The following PCDH8 variants were observed in gnomAD, a reference collection of about 807,000 sequenced individuals.
PCDH8 encodes the protein protocadherin-8.
In PCDH8, 36 loss-of-function variants were observed where a neutral mutation model predicts 58.2. The observed-to-expected ratio is 0.62, with a 90% confidence interval of 0.47 to 0.82. PCDH8 has a LOEUF of 0.82. PCDH8 is among the 40% of genes least tolerant of loss of function. The pLI is 0.00. For missense variants in PCDH8, 1,493 were observed against 1,567.8 expected (o/e 0.95, Z 0.81); for synonymous variants, 775 against 728.9 (o/e 1.06, Z -1.02).
At position 52,847,876 on chromosome 13, in the gene PCDH8, C is replaced by A; in HGVS notation, c.561G>T (p.Thr187=). 2 of 1,533,964 alleles carry A rather than the reference C, an allele frequency of 1.3e-6. No homozygotes were observed. The highest frequency in any genetic ancestry group is 1.7e-4 in the Middle Eastern group (1 of 5,880). ...PHSPFRVELQ[T]RADGAQCADL... The stretch of plus-strand genomic sequence containing the variant: ...CTGCGCACTGAGCGCCGTCCGCTCG[C>A]GTCTGCAGCTCCACGCGAAAGGGGC... The change falls in exon 1 of 3, where the codon ACG becomes ACT. Residue 187 remains threonine, a synonymous_variant. Transcript: ENST00000377942.
chr13:52,846,272 G>A lies in PCDH8; in HGVS notation c.2165C>T (p.Ala722Val). Residue 722 changes from alanine to valine, a missense_variant, in exon 1 of 3, where the codon GCC (alanine) becomes GTC (valine). This residue lies in a region of PCDH8 where 1,307 missense variants were observed against 1,362.7 expected (regional missense o/e 0.96). Transcript: ENST00000377942. Reference sequence around the variant, plus strand: ...GGAACGCTCCGGGCTTCCTGCACTGGCAGGCGCAGCCGGCCCACGCCCGCC... The same window carrying A: ...GGAACGCTCCGGGCTTCCTGCACTGACAGGCGCAGCCGGCCCACGCCCGCC... ...AGGGRGPAAPASAGSPERSRP... is the reference protein window; with the variant it reads ...AGGGRGPAAPVSAGSPERSRP... 1 of 1,578,800 alleles carries A rather than the reference G, an allele frequency of 6.3e-7. No individual in the cohort carries two copies.
Position 52,846,359 on chromosome 13 carries a change from G to A in PCDH8, c.2078C>T (p.Ser693Phe). 1 of 1,574,830 alleles carries A rather than the reference G, an allele frequency of 6.3e-7. No individual in the cohort carries two copies. Among genetic ancestry groups the A allele is most frequent in the South Asian group, 1.1e-5 (1 of 87,134 alleles). Residue 693 changes from serine (S) to phenylalanine (F), a missense_variant, in exon 1 of 3, where the codon TCC (serine) becomes TTC (phenylalanine). Ser to Phe is a radical substitution (Grantham distance 155). Around this residue, in one of 3 missense-constraint regions of PCDH8, gnomAD observed 1,307 missense variants for 1,362.7 expected, o/e 0.96. Transcript: ENST00000377942. ...GRVFRALLVI[S>F]DGGRPPLTTT... ...GGTGAGCGGGGGACGGCCGCCGTCGGATATGACCAGGAGCGCCCTGAACAC... is the reference window on the plus strand; with the variant it reads ...GGTGAGCGGGGGACGGCCGCCGTCGAATATGACCAGGAGCGCCCTGAACAC...
In PCDH8 at chr13:52,848,163, G is replaced by C. The variant is rs757241734; in HGVS notation, c.274C>G (p.Arg92Gly). The change falls in exon 1 of 3, where the codon CGC becomes GGC. Residue 92 changes from arginine to glycine, a missense_variant. Coordinates refer to ENST00000377942, the MANE Select transcript of PCDH8 (RefSeq NM_002590.4). ...QLTVGDAGLD[R>G]ERLCGQAPQC... ...GGGGCCTGGCCACACAGCCGCTCGC[G>C]GTCCAGGCCGGCGTCCCCGACGGTC... 30 of 1,612,450 alleles carry C rather than the reference G, an allele frequency of 1.9e-5. No homozygotes were observed. Among genetic ancestry groups the C allele is most frequent in the Non-Finnish European group, 2.5e-5 (30 of 1,179,636 alleles).
Position 52,844,128 on chromosome 13 carries a change from G to C in PCDH8, c.*432C>G, listed in dbSNP as rs1182560406. ...GCAAGGCAAAATTTCTCAAACACTA[G>C]GTTGTTTCAGGTGAAAGATAAATTT... On this transcript the variant is annotated 3_prime_UTR_variant, in exon 3 of 3. Transcript: ENST00000377942. 6.5e-6 allele frequency: 1 copy of C among 152,976 alleles called. No homozygotes were observed. Among genetic ancestry groups the C allele is most frequent in the Non-Finnish European group, 1.5e-5 (1 of 68,342 alleles). 9.5% of individuals were successfully genotyped at this position (152,976 alleles called of 1,614,324 possible).
rs146183192 is a variant in PCDH8, at chr13:52,845,540, T to G, written c.2724A>C (p.Glu908Asp). 255 of 1,614,094 alleles carry G rather than the reference T, an allele frequency of 1.6e-4. No individual in the cohort carries two copies. The highest frequency in any genetic ancestry group is 2.1e-4 in the Non-Finnish European group (248 of 1,180,044). The change falls in exon 2 of 3, where the codon GAA (glutamate) becomes GAC (aspartate). Residue 908 changes from glutamate to aspartate, a missense_variant. This residue lies in a region of PCDH8 where 1,307 missense variants were observed against 1,362.7 expected (regional missense o/e 0.96). Coordinates refer to ENST00000377942, the MANE Select transcript of PCDH8 (RefSeq NM_002590.4). ...TGTCTTTGCCGCTGAACTTCTCTGC[T>G]TCTCTGCCAGAAATGGTGTTGAAGG... ...GHSFNTISGR[E>D]AEKFSGKDSG...
At position 52,847,312 on chromosome 13, in the gene PCDH8, G is replaced by A. The variant is rs1163676584; in HGVS notation, c.1125C>T (p.Ala375=). 2 of 1,406,598 alleles carry A rather than the reference G, an allele frequency of 1.4e-6. No individual in the cohort carries two copies. The highest frequency in any genetic ancestry group is 1.8e-6 in the Non-Finnish European group (2 of 1,086,992). 87.1% of individuals were successfully genotyped at this position (1,406,598 alleles called of 1,614,324 possible). Residue 375 remains alanine, a synonymous_variant, in exon 1 of 3, where the codon GCC becomes GCT. Coordinates refer to ENST00000377942, the MANE Select transcript of PCDH8 (RefSeq NM_002590.4). Reference sequence around the variant, plus strand: ...CGTCCGCTCCCCCGAGTGCAGCGGCGGCGGCGGCAGCGGCGAAGGGTGAGG... The same window carrying A: ...CGTCCGCTCCCCCGAGTGCAGCGGCAGCGGCGGCAGCGGCGAAGGGTGAGG... ...PATSPFAAAA[A]AAALGGADAS... is the part of the protein sequence containing the mutation.
rs761018103 is a variant in PCDH8, at chr13:52,846,284, G to C, written c.2153C>G (p.Pro718Arg). ...FVVTAGGGRGPAAPASAGSPE... is the reference protein window; with the variant it reads ...FVVTAGGGRGRAAPASAGSPE... ...GCTTCCTGCACTGGCAGGCGCAGCC[G>C]GCCCACGCCCGCCCCCTGCTGTTAC... The change falls in exon 1 of 3, where the codon CCG becomes CGG. Residue 718 changes from proline (P) to arginine (R), a missense_variant. By Grantham distance (103) the Pro-to-Arg change is moderately radical. This residue lies in a region of PCDH8 where 1,307 missense variants were observed against 1,362.7 expected (regional missense o/e 0.96). Transcript: ENST00000377942. 27 of 1,574,482 alleles carry C rather than the reference G, an allele frequency of 1.7e-5. No individual in the cohort carries two copies. In the African/African-American group the frequency reaches 3.3e-4, roughly 19 times the overall value.
chr13:52,843,332 A>T lies in PCDH8; in HGVS notation c.*1228T>A, dbSNP rs1313478754. Reference sequence around the variant, plus strand: ...TTGACAATTATCAATATCTTATCAAATCGATCTTGTTTCACATAGCTCCCT... The same window carrying T: ...TTGACAATTATCAATATCTTATCAATTCGATCTTGTTTCACATAGCTCCCT... On this transcript the variant is annotated 3_prime_UTR_variant, in exon 3 of 3. Coordinates refer to ENST00000377942, the MANE Select transcript of PCDH8 (RefSeq NM_002590.4). 1 of 152,206 alleles carries T rather than the reference A, an allele frequency of 6.6e-6. No individual in the cohort carries two copies. The highest frequency in any genetic ancestry group is 1.5e-5 in the Non-Finnish European group (1 of 68,036). The allele number at this position is 152,206 out of a possible 1,614,324, so 9.4% of individuals were successfully genotyped here. A position where few individuals can be genotyped will look rare whatever the true frequency, so the allele number is the denominator to read the frequency against.
intron 1 of PCDH8, 79 bp downstream of exon 1, chr13:52,845,724 CCCA>C (rs1332277511): frequency 2.6e-6 from 4 of 1,520,376 alleles, no homozygotes; most frequent in Non-Finnish European, 1.8e-6. Context: ...CCTGAATGCA[CCCA>C]CCCTACCCCT....
chr13:52,846,229 C>A lies in PCDH8; in HGVS notation c.2208G>T (p.Arg736=). The change falls in exon 1 of 3, where the codon CGG becomes CGT. Residue 736 remains arginine, a synonymous_variant. Transcript: ENST00000377942. ...SPERSRPPGS[R]LGVSGSVLQW... ...GCAGCACCGACCCGGACACCCCGAGCCGAGAGCCAGGCGGGCGGGAACGCT... is the reference window on the plus strand; with the variant it reads ...GCAGCACCGACCCGGACACCCCGAGACGAGAGCCAGGCGGGCGGGAACGCT... 2.5e-6 allele frequency: 4 copies of A among 1,585,432 alleles called. No homozygotes were observed. Among genetic ancestry groups the A allele is most frequent in the Non-Finnish European group, 3.4e-6 (4 of 1,172,928 alleles).
Position 52,846,309 on chromosome 13 carries a change from C to T in PCDH8, c.2128G>A (p.Val710Ile), listed in dbSNP as rs1965734407. The change falls in exon 1 of 3, where the codon GTA becomes ATA. Residue 710 changes from valine (V) to isoleucine (I), a missense_variant. Val to Ile is a conservative substitution (Grantham distance 29). Transcript: ENST00000377942. ...GGCCCACGCCCGCCCCCTGCTGTTA[C>T]CACGAAGCTGACAGTTGCGGTGGTG... ...LTTTATVSFVVTAGGGRGPAA... is the reference protein window; with the variant it reads ...LTTTATVSFVITAGGGRGPAA... 4 of 1,572,340 alleles carry T rather than the reference C, an allele frequency of 2.5e-6. No homozygotes were observed. The highest frequency in any genetic ancestry group is 3.4e-6 in the Non-Finnish European group (4 of 1,161,812).
At position 52,844,847 on chromosome 13, in the gene PCDH8, G is replaced by T; in HGVS notation, c.2926C>A (p.Pro976Thr). Reference sequence around the variant, plus strand: ...ATCTGGGCTGGTGGGTGAGGCGATGGATGTGCGTTGGGCCCGCTGCAGGAT... The same window carrying T: ...ATCTGGGCTGGTGGGTGAGGCGATGTATGTGCGTTGGGCCCGCTGCAGGAT... ...SPSCSGPNAHPSPHPPAQMST... is the reference protein window; with the variant it reads ...SPSCSGPNAHTSPHPPAQMST... The change falls in exon 3 of 3, where the codon CCA becomes ACA. Residue 976 changes from proline (P) to threonine (T), a missense_variant. Transcript: ENST00000377942. The T allele has an allele frequency of 1.9e-6, 3 of 1,607,664 alleles. No homozygotes were observed. Among genetic ancestry groups the T allele is most frequent in the Non-Finnish European group, 2.5e-6 (3 of 1,176,640 alleles).
Position 52,848,319 on chromosome 13 carries a change from C to T in PCDH8, c.118G>A (p.Asp40Asn). 3.1e-6 allele frequency: 5 copies of T among 1,613,438 alleles called. No individual in the cohort carries two copies. Among genetic ancestry groups the T allele is most frequent in the Non-Finnish European group, 4.2e-6 (5 of 1,180,036 alleles). Residue 40 changes from aspartate to asparagine, a missense_variant, in exon 1 of 3, where the codon GAT becomes AAT. Asp to Asn is a conservative substitution (Grantham distance 23). Coordinates refer to ENST00000377942, the MANE Select transcript of PCDH8 (RefSeq NM_002590.4). ...GTCCCGATGACCGTGCCGGGGGCAT[C>T]CTCCTCGAAGGTGCTGTATCGGACT... is the stretch of plus-strand genomic sequence containing the variant. Reference protein sequence around the residue: ...KTVRYSTFEEDAPGTVIGTLA... With the variant: ...KTVRYSTFEENAPGTVIGTLA...
Position 52,848,355 on chromosome 13 carries a change from G to T in PCDH8, c.82C>A (p.Gln28Lys), listed in dbSNP as rs1347884694. Residue 28 changes from glutamine to lysine, a missense_variant, in exon 1 of 3, where the codon CAG becomes AAG. Physicochemically the swap from Gln to Lys is moderately conservative, Grantham distance 53. Coordinates refer to ENST00000377942, the MANE Select transcript of PCDH8 (RefSeq NM_002590.4). Reference sequence around the variant, plus strand: ...GTGCTGTATCGGACTGTTTTGCTCTGGGCCACTGAGAGCACCCAGCAGAGG... The same window carrying T: ...GTGCTGTATCGGACTGTTTTGCTCTTGGCCACTGAGAGCACCCAGCAGAGG... ...FSLCWVLSVAQSKTVRYSTFE... is the reference protein window; with the variant it reads ...FSLCWVLSVAKSKTVRYSTFE... 1.9e-6 allele frequency: 3 copies of T among 1,612,632 alleles called. No homozygotes were observed. Among genetic ancestry groups the T allele is most frequent in the Non-Finnish European group, 2.5e-6 (3 of 1,180,044 alleles).
Position 52,844,886 on chromosome 13 carries a change from G to C in PCDH8, c.2887C>G (p.Arg963Gly). 1 of 1,573,492 alleles carries C rather than the reference G, an allele frequency of 6.4e-7. No homozygotes were observed. The highest frequency in any genetic ancestry group is 8.6e-7 in the Non-Finnish European group (1 of 1,158,178). ...AECKILGHSD[R>G]CWSPSCSGPN... ...CCGCTGCAGGATGGGCTCCAGCAGC[G>C]GTCAGAGTGGCCCAGGATCTTACAC... is the stretch of plus-strand genomic sequence containing the variant. The change falls in exon 3 of 3, where the codon CGC becomes GGC. Residue 963 changes from arginine to glycine, a missense_variant. Coordinates refer to ENST00000377942, the MANE Select transcript of PCDH8 (RefSeq NM_002590.4).
In PCDH8 at chr13:52,844,220, C is replaced by G. The variant is rs1965695201; in HGVS notation, c.*340G>C. The G allele has an allele frequency of 6.3e-6, 1 of 158,914 alleles. No individual in the cohort carries two copies. The highest frequency in any genetic ancestry group is 1.4e-5 in the Non-Finnish European group (1 of 72,680). The allele number at this position is 158,914 out of a possible 1,614,324, so 9.8% of individuals were successfully genotyped here. The stretch of plus-strand genomic sequence containing the variant: ...ACAGTTCCTTTGGCAATAACTTCCA[C>G]TTTAGCTTTTATTATATAAAAATAT... On this transcript the variant is annotated 3_prime_UTR_variant, in exon 3 of 3. Coordinates refer to ENST00000377942, the MANE Select transcript of PCDH8 (RefSeq NM_002590.4).
chr13:52,844,696 T>C lies in PCDH8; in HGVS notation c.3077A>G (p.Tyr1026Cys). The C allele has an allele frequency of 6.2e-7, 1 of 1,614,138 alleles. No homozygotes were observed. Among genetic ancestry groups the C allele is most frequent in the Non-Finnish European group, 8.5e-7 (1 of 1,180,016 alleles). ...SVYEKVLHRD[Y>C]DRTVTLLSPP... ...GGAGAGCAGAGTGACTGTCCTGTCA[T>C]AGTCTCTGTGCAGTACTTTCTCATA... Residue 1026 changes from tyrosine to cysteine, a missense_variant, in exon 3 of 3, where the codon TAT becomes TGT. Tyr to Cys is a radical substitution (Grantham distance 194). Around this residue, in one of 3 missense-constraint regions of PCDH8, gnomAD observed 182 missense variants for 178.9 expected, o/e 1.02. Transcript: ENST00000377942.
rs576663048 is a variant in PCDH8, at chr13:52,847,081, C to A, written c.1356G>T (p.Ala452=). ...CGATGCGTTCGCGGTCCAGCGACGC[C>A]GCGGTCACCACCAGGTAGCTGCCCG... The part of the protein sequence containing the change: ...AYAGSYLVVT[A]ASLDRERIAE... The change falls in exon 1 of 3, where the codon GCG becomes GCT. Residue 452 remains alanine, a synonymous_variant. Transcript: ENST00000377942. 2 of 1,556,976 alleles carry A rather than the reference C, an allele frequency of 1.3e-6. No homozygotes were observed. The highest frequency in any genetic ancestry group is 2.8e-5 in the African/African-American group (2 of 71,590).
Position 52,846,032 on chromosome 13 carries a change from G to A in PCDH8, c.2405C>T (p.Pro802Leu). ...PGAAGGGASA[P>L]GSPEEAARGA... ...CCGGGCGGCCTCCTCCGGGGAGCCG[G>A]GAGCCGAGGCTCCGCCGCCCGCCGC... The change falls in exon 1 of 3, where the codon CCC becomes CTC. Residue 802 changes from proline to leucine, a missense_variant. Pro to Leu is a moderately conservative substitution (Grantham distance 98). Around this residue, in one of 3 missense-constraint regions of PCDH8, gnomAD observed 1,307 missense variants for 1,362.7 expected, o/e 0.96. Transcript: ENST00000377942. 6.7e-7 allele frequency: 1 copy of A among 1,493,142 alleles called. No individual in the cohort carries two copies. The highest frequency in any genetic ancestry group is 8.8e-7 in the Non-Finnish European group (1 of 1,139,336). 92.5% of individuals were successfully genotyped at this position (1,493,142 alleles called of 1,614,324 possible).
Sources: gnomAD v4.1 joint callset for allele counts on GRCh38, gnomAD v4.1.1 for gene constraint, gnomAD v4.1.1 regional missense constraint, MANE v1.5 for transcripts, NCBI Gene and HGNC (gene_info 2026-07-23, HGNC 2026-07-21) for gene names.